ZSWIM3: variants seen among roughly 807,000 people sequenced by gnomAD.
The protein encoded by ZSWIM3 is zinc finger SWIM domain-containing protein 3.
Under a neutral mutation model 47.5 loss-of-function variants are expected in ZSWIM3, and 27 were observed. The ratio of observed to expected loss-of-function variants is 0.57; its 90% confidence interval spans 0.42 to 0.78. ZSWIM3 has a LOEUF of 0.78. ZSWIM3 is among the 30% of genes least tolerant of loss of function. The pLI is 0.00. For synonymous variants in ZSWIM3, 333 were observed against 333.9 expected, an observed-to-expected ratio of 1.00 and a Z score of 0.03; for missense variants, 689 against 861.3, an observed-to-expected ratio of 0.80 and a Z score of 2.50.
At chr20:45,873,315 C>T (rs574275506) in intron 1 of ZSWIM3, among the ~76,000 whole-genome samples, 19 of 152,186 alleles carry the variant, frequency 1.2e-4, no homozygotes, top group Non-Finnish European at 2.2e-4. Context: ...ACAGGAGAAT[C>T]GCTTGAACTC....
At chr20:45,872,852 C>T (rs1986004821) in intron 1 of ZSWIM3, 4 of 1,257,332 alleles carry the variant, frequency 3.2e-6, no homozygotes, top group Non-Finnish European at 3.1e-6. Context: ...CCCCAAACCC[C>T]TCCAGCCTGT....
intron 1 of ZSWIM3, among the ~76,000 whole-genome samples, chr20:45,868,069 A>G (rs73293215): frequency 0.014 from 2,097 of 152,336 alleles, 55 homozygotes; most frequent in African/African-American, 0.048. Context: ...TGCCAGTCCC[A>G]TTAACATGTT....
At chr20:45,866,788 A>T (rs1270943981) in intron 1 of ZSWIM3, among the ~76,000 whole-genome samples, 1 of 146,570 alleles carries the variant, frequency 6.8e-6, no homozygotes, top group Admixed American at 6.8e-5. Context: ...AGCAACAGAG[A>T]CCCTGTCTCA....
Position 45,877,806 on chromosome 20 carries a change from C to T in ZSWIM3, c.1248C>T (p.Ile416=), listed in dbSNP as rs1443816177. Residue 416 remains isoleucine (I), a synonymous_variant, in exon 2 of 2, where the codon ATC becomes ATT. Transcript: ENST00000255152. Reference sequence around the variant, plus strand: ...AACAGCAGTCGCTGCTGGACTGCATCCTCTGCTTTGTGGATTACATAGACT... The same window carrying T: ...AACAGCAGTCGCTGCTGGACTGCATTCTCTGCTTTGTGGATTACATAGACT... The part of the protein sequence containing the change: ...FREQQSLLDC[I]LCFVDYIDFF... The T allele has an allele frequency of 2.5e-6, 4 of 1,614,228 alleles. No individual in the cohort carries two copies. The East Asian group carries it at 8.9e-5, about 36-fold the overall frequency.
intron 1 of ZSWIM3, chr20:45,872,951 G>A: frequency 1.7e-5 from 20 of 1,150,136 alleles, no homozygotes; most frequent in Non-Finnish European, 2.2e-5. Flanking sequence ...TTGGAAAAGT[G>A]CAGGTGGAGT....
At chr20:45,873,668 T>G (rs1272691302) in intron 1 of ZSWIM3, among the ~76,000 whole-genome samples, 1 of 152,210 alleles carries the variant, frequency 6.6e-6, no homozygotes, top group Non-Finnish European at 1.5e-5. Flanking sequence ...TATCTCATTT[T>G]ATGATGAGGA....
chr20:45,867,462 A>G (rs1985874901), intron 1 of ZSWIM3, among the ~76,000 whole-genome samples: 1 of 152,138 alleles, frequency 6.6e-6, no homozygotes, highest in Non-Finnish European at 1.5e-5. Context: ...CAGCCAGTAG[A>G]GCTGTTCAAA....
At chr20:45,876,605 C>T (rs904062575) in intron 1 of ZSWIM3, 109 bp from the exon 2 acceptor site, 29 of 1,368,582 alleles carry the variant, frequency 2.1e-5, no homozygotes, top group Non-Finnish European at 2.6e-5. Flanking sequence ...TCCCAAAGTG[C>T]TGGGGTTATA....
In ZSWIM3 at chr20:45,876,954, C is replaced by T. The variant is rs745533029; in HGVS notation, c.396C>T (p.Pro132=). 3 of 1,614,062 alleles carry T rather than the reference C, an allele frequency of 1.9e-6. No individual in the cohort carries two copies. The highest frequency in any genetic ancestry group is 2.5e-6 in the Non-Finnish European group (3 of 1,180,016). ...MCLQRLQPVQ[P]TTKKDLDTAE... ...TGCAGAGACTCCAGCCTGTGCAGCC[C>T]ACAACCAAAAAAGACCTTGACACTG... Residue 132 remains proline, a synonymous_variant, in exon 2 of 2, where the codon CCC becomes CCT. Coordinates refer to ENST00000255152, the MANE Select transcript of ZSWIM3 (RefSeq NM_080752.4).
At chr20:45,862,419 A>G (rs1477166214) in intron 1 of ZSWIM3, among the ~76,000 whole-genome samples, 1 of 152,070 alleles carries the variant, frequency 6.6e-6, no homozygotes, top group African/African-American at 2.4e-5. Context: ...CTGGGATTAC[A>G]GATGTGAGCC....
chr20:45,876,118 C>A (rs1986085820), intron 1 of ZSWIM3, among the ~76,000 whole-genome samples: 1 of 152,054 alleles, frequency 6.6e-6, no homozygotes, highest in Non-Finnish European at 1.5e-5. Context: ...TCTCAGCTCA[C>A]TGCAGCCTCC....
rs1286021515 is a variant in ZSWIM3 at position 45,877,163 on chromosome 20, G to C, written c.605G>C (p.Arg202Pro). The C allele has an allele frequency of 6.2e-7, 1 of 1,614,126 alleles. No homozygotes were observed. The highest frequency in any genetic ancestry group is 1.1e-5 in the South Asian group (1 of 91,080). ...FSVGDSQHLDRLSFQSSKMTD... is the reference protein window; with the variant it reads ...FSVGDSQHLDPLSFQSSKMTD... ...GTGGGTGACAGCCAGCACCTGGACCGGCTCAGCTTCCAGAGCAGTAAGATG... is the reference window on the plus strand; with the variant it reads ...GTGGGTGACAGCCAGCACCTGGACCCGCTCAGCTTCCAGAGCAGTAAGATG... The change falls in exon 2 of 2, where the codon CGG becomes CCG. Residue 202 changes from arginine (R) to proline (P), a missense_variant. Transcript: ENST00000255152.
Position 45,878,060 on chromosome 20 carries a change from G to A in ZSWIM3, c.1502G>A (p.Ser501Asn). The A allele has an allele frequency of 6.2e-7, 1 of 1,614,168 alleles. No homozygotes were observed. Among genetic ancestry groups the A allele is most frequent in the Non-Finnish European group, 8.5e-7 (1 of 1,180,038 alleles). The change falls in exon 2 of 2, where the codon AGT becomes AAT. Residue 501 changes from serine (S) to asparagine (N), a missense_variant. By Grantham distance (46) the Ser-to-Asn change is conservative. Transcript: ENST00000255152. ...GGCATGCTGGACACCTTGCACCAGA[G>A]TGGCTCTGAACTAGCCTACAAGCTG... ...QVGMLDTLHQSGSELAYKLCH... is the reference protein window; with the variant it reads ...QVGMLDTLHQNGSELAYKLCH...
Position 45,877,732 on chromosome 20 carries a change from A to G in ZSWIM3, c.1174A>G (p.Met392Val), listed in dbSNP as rs779994892. ...GGGCCTGCTTGCGTGTAACACCTAC[A>G]TGGACAGCCTAGACATTGTCACCAG... ...RKGLLACNTY[M>V]DSLDIVTSKV... The change falls in exon 2 of 2, where the codon ATG becomes GTG. Residue 392 changes from methionine to valine, a missense_variant. Physicochemically the swap from Met to Val is conservative, Grantham distance 21 (BLOSUM62 1). Transcript: ENST00000255152. 6 of 1,613,908 alleles carry G rather than the reference A, an allele frequency of 3.7e-6. No homozygotes were observed. Among genetic ancestry groups the G allele is most frequent in the Admixed American group, 1.7e-5 (1 of 59,998 alleles).
chr20:45,863,188 T>G (rs1985754006), intron 1 of ZSWIM3, among the ~76,000 whole-genome samples: 1 of 151,934 alleles, frequency 6.6e-6, no homozygotes, highest in African/African-American at 2.4e-5. Flanking sequence ...TTTGTTTGTT[T>G]GTTTGTTTTT....
In ZSWIM3 at chr20:45,878,496, C is replaced by T. The variant is rs1986164126; in HGVS notation, c.1938C>T (p.Arg646=). 2 of 1,614,096 alleles carry T rather than the reference C, an allele frequency of 1.2e-6. No individual in the cohort carries two copies. The highest frequency in any genetic ancestry group is 1.7e-5 in the Admixed American group (1 of 60,010). Reference sequence around the variant, plus strand: ...TGGAGGAACGCTACTCCACCCTGCGCAAGATTGTGGATATCTGGGCTGGCC... The same window carrying T: ...TGGAGGAACGCTACTCCACCCTGCGTAAGATTGTGGATATCTGGGCTGGCC... ...PELEERYSTL[R]KIVDIWAGPS... The change falls in exon 2 of 2, where the codon CGC becomes CGT. Residue 646 remains arginine, a synonymous_variant. Coordinates refer to ENST00000255152, the MANE Select transcript of ZSWIM3 (RefSeq NM_080752.4).
intron 1 of ZSWIM3, among the ~76,000 whole-genome samples, chr20:45,874,518 G>C (rs968592391): frequency 8.5e-5 from 13 of 152,124 alleles, no homozygotes; most frequent in Non-Finnish European, 1.3e-4. Flanking sequence ...ATTTCAAAAA[G>C]AAAGATGAGC....
At chr20:45,873,949 C>G (rs1986032593) in intron 1 of ZSWIM3, among the ~76,000 whole-genome samples, 1 of 152,204 alleles carries the variant, frequency 6.6e-6, no homozygotes, top group Non-Finnish European at 1.5e-5. Context: ...AAGAAAAGAA[C>G]AGATAATCAA....
rs562556999 is a variant in ZSWIM3, at chr20:45,879,063, T to C, written c.*414T>C. On this transcript the variant is annotated 3_prime_UTR_variant, in exon 2 of 2. Coordinates refer to ENST00000255152, the MANE Select transcript of ZSWIM3 (RefSeq NM_080752.4). Reference sequence around the variant, plus strand: ...ATGATCTTTGGCTGTTGCTGCTCTTTATGAAGAATCTTATTTGTAACTTTT... The same window carrying C: ...ATGATCTTTGGCTGTTGCTGCTCTTCATGAAGAATCTTATTTGTAACTTTT... 2.4e-5 allele frequency: 4 copies of C among 163,754 alleles called. No individual in the cohort carries two copies. In the East Asian group the frequency reaches 7.1e-4, roughly 29 times the overall value. 10.1% of individuals were successfully genotyped at this position (163,754 alleles called of 1,614,324 possible).
Sources: gnomAD v4.1 joint callset for allele counts (sites outside exome capture counted in the v4.1 genomes callset) on GRCh38, gnomAD v4.1.1 for gene constraint, MANE v1.5 for transcripts, NCBI Gene and HGNC (gene_info 2026-07-23, HGNC 2026-07-21) for gene names.